Variants in GPBP1 observed in about 807,000 individuals in gnomAD.
GPBP1 encodes GC-rich promoter binding protein 1, also known as vasculin.
In GPBP1, 13 loss-of-function variants were observed where a neutral mutation model predicts 56.5. That is an observed-to-expected ratio of 0.23 (90% CI 0.15 to 0.37). The LOEUF (loss-of-function observed/expected upper bound fraction) is 0.37. Among genes scored for constraint, GPBP1 ranks in the 10% least tolerant of loss-of-function variants. The pLI, the probability that GPBP1 is intolerant of heterozygous loss-of-function variation, is 1.00. For synonymous variants in GPBP1, 204 were observed against 188.9 expected (o/e 1.08, Z -0.66); for missense variants, 477 against 572.3 (o/e 0.83, Z 1.70).
intron 2 of GPBP1, among the ~76,000 whole-genome samples, chr5:57,187,208 CCT>C (rs1754330428): frequency 6.6e-6 from 1 of 151,804 alleles, no homozygotes; most frequent in East Asian, 1.9e-4. Context: ...TGAAGTAAGA[CCT>C]GTTGCAAAAT....
rs755627747 is a variant in GPBP1, at chr5:57,261,314, T to C, written c.1263+32T>C. On this transcript the variant is annotated intron_variant, in intron 11 of 11. Coordinates refer to ENST00000506184, the MANE Select transcript of GPBP1 (RefSeq NM_022913.4). ...AAACCTGAATCATACAACTTCACTT[T>C]TAAACTGCCCTTATTTAGAACAATA... is the stretch of plus-strand genomic sequence containing the variant. 3 of 1,174,190 alleles carry C rather than the reference T, an allele frequency of 2.6e-6. No individual in the cohort carries two copies. The African/African-American group carries it at 4.5e-5, about 18-fold the overall frequency. The allele number at this position is 1,174,190 out of a possible 1,614,324, so 72.7% of individuals were successfully genotyped here.
intron 2 of GPBP1, among the ~76,000 whole-genome samples, chr5:57,209,421 C>G (rs1755380699): frequency 6.6e-6 from 1 of 152,210 alleles, no homozygotes; most frequent in African/African-American, 2.4e-5. Context: ...CCTTCCCAGG[C>G]TCCCAAGTAT....
intron 2 of GPBP1, among the ~76,000 whole-genome samples, chr5:57,198,619 C>T (rs1754865635): frequency 6.6e-6 from 1 of 152,104 alleles, no homozygotes; most frequent in South Asian, 2.1e-4. Context: ...GAGGCTGAGA[C>T]TGGCGGATTG....
At chr5:57,253,175 A>T (rs1430990315) in intron 10 of GPBP1, among the ~76,000 whole-genome samples, 2 of 152,092 alleles carry the variant, frequency 1.3e-5, no homozygotes, top group African/African-American at 4.8e-5. Context: ...CAGAAATGAC[A>T]TACCCTTACT....
At position 57,246,394 on chromosome 5, in the gene GPBP1, A is replaced by T; in HGVS notation, c.573A>T (p.Val191=). The stretch of plus-strand genomic sequence containing the variant: ...TACAGCTATCTGGATTCCCAGTAGT[A>T]GGAAATCTTCCGTCACAGCCAGTTA... The part of the protein sequence containing the change: ...KDLQLSGFPV[V]GNLPSQPVKN... The change falls in exon 7 of 12, where the codon GTA becomes GTT. Residue 191 remains valine, a synonymous_variant. Transcript: ENST00000506184. 1.2e-6 allele frequency: 2 copies of T among 1,613,748 alleles called. No homozygotes were observed. The highest frequency in any genetic ancestry group is 1.1e-5 in the South Asian group (1 of 91,064).
Position 57,249,577 on chromosome 5 carries a change from G to A in GPBP1, c.972+1G>A. 1 of 1,598,144 alleles carries A rather than the reference G, an allele frequency of 6.3e-7. No individual in the cohort carries two copies. Among genetic ancestry groups the A allele is most frequent in the Non-Finnish European group, 8.5e-7 (1 of 1,174,522 alleles). On this transcript the variant is annotated splice_donor_variant, in intron 9 of 11. Transcript: ENST00000506184. LOFTEE classifies it high-confidence loss of function. ...TGAAAGCCGTGCTGGCTCAGAGAAG[G>A]TAATTGAATTTATAGCAATACTTGA...
intron 10 of GPBP1, among the ~76,000 whole-genome samples, chr5:57,251,884 G>A (rs1307825409): frequency 6.6e-6 from 1 of 151,982 alleles, no homozygotes; most frequent in Non-Finnish European, 1.5e-5. Flanking sequence ...ATTCTAGTGG[G>A]TGTGAAGTAT....
intron 8 of GPBP1, among the ~76,000 whole-genome samples, chr5:57,247,894 C>G (rs1260971100): frequency 6.6e-6 from 1 of 151,902 alleles, no homozygotes. Context: ...CAGGTGCTTG[C>G]CACTGGGCCA....
intron 2 of GPBP1, among the ~76,000 whole-genome samples, chr5:57,211,010 A>G (rs945490012): frequency 2.1e-4 from 32 of 151,996 alleles, no homozygotes; most frequent in African/African-American, 5.6e-4. Context: ...GGTTGGGGGG[A>G]CACAGTTCAA....
intron 2 of GPBP1, among the ~76,000 whole-genome samples, chr5:57,195,093 A>G (rs1754689533): frequency 2.0e-5 from 3 of 152,010 alleles, no homozygotes; most frequent in Admixed American, 6.6e-5. Flanking sequence ...TGCAATGAGA[A>G]TAAAAATTTT....
At chr5:57,216,993 A>C (rs1216802897) in intron 3 of GPBP1, among the ~76,000 whole-genome samples, 1 of 152,186 alleles carries the variant, frequency 6.6e-6, no homozygotes, top group Non-Finnish European at 1.5e-5. Context: ...TATAAATAAA[A>C]ATAGAATAGT....
chr5:57,262,930 T>C lies in GPBP1; in HGVS notation c.*178T>C, dbSNP rs1245335776. The C allele has an allele frequency of 1.6e-5, 8 of 516,094 alleles. No homozygotes were observed. The highest frequency in any genetic ancestry group is 2.7e-5 in the Non-Finnish European group (8 of 295,490). 32.0% of individuals were successfully genotyped at this position (516,094 alleles called of 1,614,324 possible). The stretch of plus-strand genomic sequence containing the variant: ...TGTTTTGTTGGGCTGTGTTGAACAT[T>C]ATTTCTTTGTAAATGAATGTTGTAG... On this transcript the variant is annotated 3_prime_UTR_variant, in exon 12 of 12. Coordinates refer to ENST00000506184, the MANE Select transcript of GPBP1 (RefSeq NM_022913.4).
At chr5:57,231,869 G>A (rs547906787) in intron 5 of GPBP1, among the ~76,000 whole-genome samples, 1 of 152,168 alleles carries the variant, frequency 6.6e-6, no homozygotes, top group South Asian at 2.1e-4. Context: ...ATTTTGTAGT[G>A]AATTTAGACA....
At chr5:57,245,133 A>G (rs980512034) in intron 6 of GPBP1, among the ~76,000 whole-genome samples, 25 of 152,234 alleles carry the variant, frequency 1.6e-4, no homozygotes, top group African/African-American at 5.5e-4. Context: ...TTTGTGTGCC[A>G]GAAGTTGTCT....
intron 3 of GPBP1, among the ~76,000 whole-genome samples, chr5:57,226,427 G>C (rs1446031397): frequency 6.6e-6 from 1 of 151,992 alleles, no homozygotes. Flanking sequence ...GTCTCTGTCA[G>C]GAAGATTAAT....
chr5:57,253,713 A>G (rs930304777), intron 10 of GPBP1, among the ~76,000 whole-genome samples: 1 of 152,028 alleles, frequency 6.6e-6, no homozygotes, highest in African/African-American at 2.4e-5. Flanking sequence ...TTTATTTCTA[A>G]TTTTTTCAAA....
chr5:57,224,732 G>A (rs1195320196), intron 3 of GPBP1, among the ~76,000 whole-genome samples: 1 of 152,024 alleles, frequency 6.6e-6, no homozygotes, highest in Non-Finnish European at 1.5e-5. Flanking sequence ...TTAAAATTCG[G>A]GATTATGACC....
At chr5:57,179,042 G>C (rs1249836981) in intron 2 of GPBP1, among the ~76,000 whole-genome samples, 1 of 152,062 alleles carries the variant, frequency 6.6e-6, no homozygotes, top group East Asian at 1.9e-4. Flanking sequence ...TAGGATTTAG[G>C]GGGGCTGAGA....
At chr5:57,223,305 G>T (rs1756034165) in intron 3 of GPBP1, among the ~76,000 whole-genome samples, 1 of 152,020 alleles carries the variant, frequency 6.6e-6, no homozygotes, top group African/African-American at 2.4e-5. Context: ...AGCCAGGATG[G>T]TCTTGATCTC....
Sources: gnomAD v4.1 joint callset for allele counts (sites outside exome capture counted in the v4.1 genomes callset) on GRCh38, gnomAD v4.1.1 for gene constraint, MANE v1.5 for transcripts, NCBI Gene and HGNC (gene_info 2026-07-23, HGNC 2026-07-21) for gene names.